The following MAPKAP1 variants were observed in gnomAD, a reference collection of about 807,000 sequenced individuals.
MAPKAP1 encodes target of rapamycin complex 2 subunit MAPKAP1.
Under a neutral mutation model 65.7 loss-of-function variants are expected in MAPKAP1, and 20 were observed. That is an observed-to-expected ratio of 0.30 (90% CI 0.21 to 0.44). MAPKAP1 has a LOEUF of 0.44. MAPKAP1 is among the 20% of genes least tolerant of loss of function. MAPKAP1 has a pLI of 1.00. For missense variants in MAPKAP1, 423 were observed against 648.0 expected (o/e 0.65, Z 3.77); for synonymous variants, 222 against 244.3 (o/e 0.91, Z 0.85).
chr9:125,581,783 C>T (rs989943379), intron 5 of MAPKAP1, among the ~76,000 whole-genome samples: 19 of 151,858 alleles, frequency 1.3e-4, no homozygotes, highest in Admixed American at 1.2e-3. Context: ...ATACAAGATA[C>T]ATGATTTAGG....
intron 9 of MAPKAP1, among the ~76,000 whole-genome samples, chr9:125,472,515 C>T (rs998564743): frequency 3.3e-5 from 5 of 152,224 alleles, no homozygotes; most frequent in South Asian, 2.1e-4. Flanking sequence ...TTGATTTCCT[C>T]GGCTAAAGTT....
intron 10 of MAPKAP1, among the ~76,000 whole-genome samples, chr9:125,458,699 G>A (rs776205847): frequency 1.3e-5 from 2 of 148,952 alleles, no homozygotes; most frequent in South Asian, 2.2e-4. Context: ...AACCGCCATC[G>A]TCATCCTGGC....
intron 10 of MAPKAP1, among the ~76,000 whole-genome samples, chr9:125,453,427 C>G (rs1853038394): frequency 6.6e-6 from 1 of 152,250 alleles, no homozygotes; most frequent in Non-Finnish European, 1.5e-5. Flanking sequence ...ATTATCCAAT[C>G]TGATTCTGCA....
chr9:125,463,129 G>C (rs967747933), intron 10 of MAPKAP1, among the ~76,000 whole-genome samples: 1 of 152,182 alleles, frequency 6.6e-6, no homozygotes, highest in Non-Finnish European at 1.5e-5. Context: ...AGAACCGCTC[G>C]ATAGCAAGAC....
At chr9:125,630,194 C>G (rs548304607) in intron 4 of MAPKAP1, among the ~76,000 whole-genome samples, 187 of 152,346 alleles carry the variant, frequency 1.2e-3, no homozygotes, top group African/African-American at 4.3e-3. Context: ...GGCATAATCA[C>G]AGCTCACCGC....
At chr9:125,451,220 G>A (rs1350621617) in intron 10 of MAPKAP1, 4 of 152,086 alleles carry the variant, frequency 2.6e-5, no homozygotes, top group East Asian at 1.9e-4. Flanking sequence ...CCTCAATGTC[G>A]AGAGATCCAG....
At chr9:125,674,078 T>C (rs989715169) in intron 1 of MAPKAP1, among the ~76,000 whole-genome samples, 2 of 152,178 alleles carry the variant, frequency 1.3e-5, no homozygotes, top group African/African-American at 4.8e-5. Flanking sequence ...TACTAGGCCC[T>C]AGAGACAGAA....
chr9:125,669,390 G>C (rs960277647), intron 3 of MAPKAP1, among the ~76,000 whole-genome samples: 1 of 152,132 alleles, frequency 6.6e-6, no homozygotes, highest in Non-Finnish European at 1.5e-5. Flanking sequence ...TGAGGCAGGA[G>C]AATCGCTTGA....
chr9:125,555,145 T>C (rs1033181484), intron 6 of MAPKAP1, among the ~76,000 whole-genome samples: 13 of 152,242 alleles, frequency 8.5e-5, no homozygotes, highest in Admixed American at 8.5e-4. Context: ...ACTGAATTTA[T>C]AGCTAAACAT....
intron 5 of MAPKAP1, among the ~76,000 whole-genome samples, chr9:125,583,542 G>A (rs57912672): frequency 0.02 from 2,998 of 152,304 alleles, 161 homozygotes; most frequent in East Asian, 0.15. Context: ...TGGTGGAGAG[G>A]ATAATGTAAT....
At chr9:125,442,676 C>CCAGT (rs1852539552) in intron 11 of MAPKAP1, among the ~76,000 whole-genome samples, 1 of 152,090 alleles carries the variant, frequency 6.6e-6, no homozygotes, top group Non-Finnish European at 1.5e-5. Context: ...TGCAAGCACT[C>CCAGT]CCAGGCAGGC....
intron 4 of MAPKAP1, among the ~76,000 whole-genome samples, chr9:125,602,746 T>C (rs1325756210): frequency 6.6e-6 from 1 of 152,204 alleles, no homozygotes; most frequent in African/African-American, 2.4e-5. Flanking sequence ...TCATTTAATA[T>C]GCCCAACAGT....
chr9:125,472,314 G>A lies in MAPKAP1; in HGVS notation c.1208-4205C>T, dbSNP rs540048575. Among the ~76,000 whole-genome samples, 6 of 152,304 alleles carry A rather than the reference G, an allele frequency of 3.9e-5. No homozygotes were observed. In the South Asian group the frequency reaches 6.2e-4, roughly 16 times the overall value. ...CTTTCTGCTGCTCTGCACAGCCTCA[G>A]CCGTGTCAGAAGATGTATTAATAAT... On this transcript the variant is annotated intron_variant, in intron 9 of 11. Transcript: ENST00000265960.
At chr9:125,643,024 C>T (rs948132057) in intron 4 of MAPKAP1, among the ~76,000 whole-genome samples, 1 of 151,744 alleles carries the variant, frequency 6.6e-6, no homozygotes, top group Admixed American at 6.6e-5. Flanking sequence ...CTCAGCCTCC[C>T]GAGTAGCTAG....
chr9:125,698,286 TAAATATATATA>T (rs1233612266), intron 1 of MAPKAP1, among the ~76,000 whole-genome samples: 1 of 25,802 alleles, frequency 3.9e-5, no homozygotes, highest in African/African-American at 1.8e-4. Context: ...ATAATATATA[TAAATATATATA>T]TATATATATA....
intron 4 of MAPKAP1, among the ~76,000 whole-genome samples, chr9:125,657,242 G>A (rs141667178): frequency 8.6e-5 from 13 of 151,712 alleles, no homozygotes; most frequent in South Asian, 4.2e-4. Flanking sequence ...GAGATAAAAC[G>A]GATTAAAAAT....
intron 1 of MAPKAP1, among the ~76,000 whole-genome samples, chr9:125,679,467 C>A (rs1397110212): frequency 3.3e-5 from 5 of 152,074 alleles, no homozygotes; most frequent in African/African-American, 1.2e-4. Context: ...CAGCAAGAAA[C>A]AATCAGTGCA....
At chr9:125,482,840 G>C (rs1045871543) in intron 9 of MAPKAP1, among the ~76,000 whole-genome samples, 6 of 152,196 alleles carry the variant, frequency 3.9e-5, no homozygotes, top group African/African-American at 1.4e-4. Flanking sequence ...CATCTGATCA[G>C]CCTGCTAGAA....
chr9:125,697,776 CAG>C (rs1835429482), intron 1 of MAPKAP1, among the ~76,000 whole-genome samples: 1 of 152,178 alleles, frequency 6.6e-6, no homozygotes, highest in African/African-American at 2.4e-5. Flanking sequence ...AAGTGCTTTC[CAG>C]AAAAGTTTTA....
Sources: gnomAD v4.1 joint callset for allele counts (sites outside exome capture counted in the v4.1 genomes callset) on GRCh38, gnomAD v4.1.1 for gene constraint, MANE v1.5 for transcripts, NCBI Gene and HGNC (gene_info 2026-07-23, HGNC 2026-07-21) for gene names.